ALLC: variants seen among roughly 807,000 people sequenced by gnomAD.
ALLC encodes the protein probable inactive allantoicase.
ALLC carries 40 observed loss-of-function variants against 45.0 expected under a neutral mutation model. That is an observed-to-expected ratio of 0.89 (90% confidence interval 0.69 to 1.16). The LOEUF (loss-of-function observed/expected upper bound fraction) is 1.16. Among genes scored for constraint, ALLC ranks in the 50% most tolerant of loss-of-function variants. The pLI is 0.00. For synonymous variants in ALLC, 176 were observed against 178.1 expected, an observed-to-expected ratio of 0.99 and a Z score of 0.09; for missense variants, 488 against 493.1, an observed-to-expected ratio of 0.99 and a Z score of 0.10.
chr2:3,659,823 G>A (rs1666526546), intron 1 of ALLC, among the ~76,000 whole-genome samples: 1 of 152,236 alleles, frequency 6.6e-6, no homozygotes, highest in Admixed American at 6.5e-5. Context: ...ACAGGCCACT[G>A]TGGATACTTC....
chr2:3,680,204 C>A lies in ALLC; in HGVS notation c.298+210C>A, dbSNP rs542856911. Among the ~76,000 whole-genome samples, 8 of 152,296 alleles carry A rather than the reference C, an allele frequency of 5.3e-5. No individual in the cohort carries two copies. The highest frequency in any genetic ancestry group is 1.9e-4 in the African/African-American group (8 of 41,554). ...ATTTGTGGCTTAATAGTGTTAACAG[C>A]CAGATATAGATTTTATCATTCCCAC... On this transcript the variant is annotated intron_variant, in intron 5 of 11. Transcript: ENST00000252505. The surrounding 1 kb of genome is among the most constrained non-coding windows in gnomAD (Gnocchi z 4.0).
intron 7 of ALLC, chr2:3,688,616 G>A (rs936642997): frequency 1.5e-5 from 3 of 195,762 alleles, no homozygotes; most frequent in African/African-American, 2.4e-5. Context: ...ATCAGCAGAG[G>A]GGGCAGAGAT....
At chr2:3,652,281 C>G in the ALLC span, among the ~76,000 whole-genome samples, 1 of 152,248 alleles carries the variant, frequency 6.6e-6, no homozygotes, top group African/African-American at 2.4e-5. Context: ...ATTTCACTAG[C>G]TTCCTGTGCA....
rs138638484 is a variant in ALLC at position 3,681,995 on chromosome 2, C to T, written c.378+282C>T. On this transcript the variant is annotated intron_variant, in intron 6 of 11. Coordinates refer to ENST00000252505, the MANE Select transcript of ALLC (RefSeq NM_018436.4). The stretch of plus-strand genomic sequence containing the variant: ...CACACATACAGAAACTGATAGTAAG[C>T]GTTTAAACACTTTTTATACCAACTT... Among the ~76,000 whole-genome samples, 404 of 152,138 alleles carry T rather than the reference C, an allele frequency of 2.7e-3. 4 individuals are homozygous for T. Among genetic ancestry groups the T allele is most frequent in the African/African-American group, 9.1e-3 (378 of 41,502 alleles).
intron 2 of ALLC, 150 bp downstream of exon 2, chr2:3,671,340 C>T (rs1026324604): frequency 8.1e-6 from 7 of 866,666 alleles, no homozygotes; most frequent in Middle Eastern, 4.5e-4. Context: ...GAAAGACTTC[C>T]AAAGAATTTA....
At chr2:3,677,131 C>T (rs1285979236) in intron 3 of ALLC, among the ~76,000 whole-genome samples, 2 of 152,176 alleles carry the variant, frequency 1.3e-5, no homozygotes, top group Non-Finnish European at 2.9e-5. Flanking sequence ...TAAGGAACAT[C>T]ACATGGCATG....
intron 1 of ALLC, among the ~76,000 whole-genome samples, chr2:3,662,904 C>G (rs1216940003): frequency 6.6e-6 from 1 of 152,172 alleles, no homozygotes; most frequent in East Asian, 1.9e-4. Flanking sequence ...GTGTTTATTA[C>G]TGGGGGGCCT....
At chr2:3,655,202 C>T (rs535036522), upstream of ALLC, among the ~76,000 whole-genome samples, 5 of 152,356 alleles carry the variant, frequency 3.3e-5, no homozygotes, top group South Asian at 2.1e-4. Flanking sequence ...GGGGTCAAGA[C>T]GTAAGTCACA....
chr2:3,695,703 C>T lies in ALLC; in HGVS notation c.512-14C>T, dbSNP rs1034282366. On this transcript the variant is annotated splice_polypyrimidine_tract_variant and intron_variant, in intron 7 of 11. Transcript: ENST00000252505. ...ATTTTTACAAACAATAACTAAGGCACCTTTCCTTTTCAGATGGTGGAATTG... is the reference window on the plus strand; with the variant it reads ...ATTTTTACAAACAATAACTAAGGCATCTTTCCTTTTCAGATGGTGGAATTG... The T allele has an allele frequency of 1.2e-6, 2 of 1,613,812 alleles. No homozygotes were observed. Among genetic ancestry groups the T allele is most frequent in the African/African-American group, 1.3e-5 (1 of 74,930 alleles).
intron 7 of ALLC, among the ~76,000 whole-genome samples, chr2:3,690,557 G>C (rs1667487685): frequency 6.7e-6 from 1 of 148,678 alleles, no homozygotes; most frequent in Non-Finnish European, 1.5e-5. Context: ...ATCTATTATA[G>C]GTTTTTGCAC....
intron 1 of ALLC, among the ~76,000 whole-genome samples, chr2:3,666,336 C>G (rs969620121): frequency 6.6e-6 from 1 of 152,200 alleles, no homozygotes; most frequent in Admixed American, 6.5e-5. Flanking sequence ...TTTGTAGTGA[C>G]TTAGCGTATC....
chr2:3,702,384 C>T lies in ALLC; in HGVS notation c.997C>T (p.Leu333=). Residue 333 remains leucine, a synonymous_variant, in exon 12 of 12, where the codon CTG becomes TTG. Transcript: ENST00000252505. ...TCAGTTGTCTCCCAACCAAAGTCAT[C>T]TGTTCGATAGCCTGACCCTAGAGCT... ...VTKLSPNQSH[L]FDSLTLELQD... 1 of 1,613,298 alleles carries T rather than the reference C, an allele frequency of 6.2e-7. No homozygotes were observed. Among genetic ancestry groups the T allele is most frequent in the South Asian group, 1.1e-5 (1 of 91,008 alleles).
intron 1 of ALLC, among the ~76,000 whole-genome samples, chr2:3,670,675 T>G (rs1342084834): frequency 2.0e-5 from 3 of 152,234 alleles, no homozygotes; most frequent in Non-Finnish European, 4.4e-5. Flanking sequence ...CTCTGCTGTT[T>G]CCCACGTCTA....
intron 7 of ALLC, among the ~76,000 whole-genome samples, chr2:3,686,558 T>G (rs1264644076): frequency 6.6e-6 from 1 of 151,132 alleles, no homozygotes; most frequent in African/African-American, 2.4e-5. Context: ...ATATTAATTC[T>G]TTCAATCTAG....
chr2:3,656,339 T>C (rs1245988853), upstream of ALLC, among the ~76,000 whole-genome samples: 1 of 152,236 alleles, frequency 6.6e-6, no homozygotes, highest in Non-Finnish European at 1.5e-5. Flanking sequence ...GCCACTGCTC[T>C]GGGACCACCT....
intron 1 of ALLC, among the ~76,000 whole-genome samples, chr2:3,662,525 A>G (rs116071055): frequency 0.019 from 2,895 of 152,352 alleles, 72 homozygotes; most frequent in African/African-American, 0.056. Context: ...AGATATACGG[A>G]CTAATTTCAA....
the ALLC span, among the ~76,000 whole-genome samples, chr2:3,647,667 G>A: frequency 2.2e-4 from 28 of 124,466 alleles, no homozygotes; most frequent in African/African-American, 7.8e-4. Context: ...TCGCTCACCC[G>A]TCCTCTCCTG....
chr2:3,671,267 T>G, intron 2 of ALLC, 77 bp downstream of exon 2: 12 of 1,510,338 alleles, frequency 7.9e-6, no homozygotes, highest in Non-Finnish European at 1.1e-5. Flanking sequence ...GCAGAGAACC[T>G]CATGCAAGAA....
chr2:3,687,190 G>A (rs754220947), intron 7 of ALLC, among the ~76,000 whole-genome samples: 4 of 150,404 alleles, frequency 2.7e-5, no homozygotes, highest in African/African-American at 7.3e-5. Flanking sequence ...AGCATTTATC[G>A]AAATGATCAT....
Sources: allele counts gnomAD v4.1 joint callset (sites outside exome capture counted in the v4.1 genomes callset), GRCh38; gene constraint gnomAD v4.1.1; non-coding constraint Gnocchi (gnomAD v3.1); transcripts MANE v1.5; gene names NCBI Gene and HGNC (gene_info 2026-07-23, HGNC 2026-07-21).